The following UGT1A6 variants were observed in gnomAD, a reference collection of about 807,000 sequenced individuals.
The protein encoded by UGT1A6 is UDP-glucuronosyltransferase 1A6.
UGT1A6 carries 32 observed loss-of-function variants against 44.4 expected under a neutral mutation model. The ratio of observed to expected loss-of-function variants is 0.72; its 90% CI spans 0.54 to 0.97. The LOEUF (loss-of-function observed/expected upper bound fraction) is 0.97. UGT1A6 is among the 50% of genes least tolerant of loss of function. UGT1A6 has a pLI of 0.00. For missense variants in UGT1A6, 685 were observed against 661.9 expected (o/e 1.03, Z -0.38); for synonymous variants, 238 against 248.5 (o/e 0.96, Z 0.40).
At chr2:233,756,500 A>G (rs976556517) in intron 1 of UGT1A6, 2 of 152,096 alleles carry the variant, frequency 1.3e-5, no homozygotes, top group East Asian at 1.9e-4. Context: ...GCCCAAGTAT[A>G]TGGAGGGTCA....
chr2:233,695,457 T>C (rs1007830412), intron 1 of UGT1A6, among the ~76,000 whole-genome samples: 32 of 151,984 alleles, frequency 2.1e-4, no homozygotes, highest in Middle Eastern at 3.4e-3. Flanking sequence ...ATCAACGTGC[T>C]TTATTGGCCC....
chr2:233,763,859 A>G (rs1418944768), intron 1 of UGT1A6, among the ~76,000 whole-genome samples: 1 of 152,176 alleles, frequency 6.6e-6, no homozygotes, highest in Non-Finnish European at 1.5e-5. Context: ...GTTCACAGAC[A>G]ATCGCAATGC....
chr2:233,755,496 C>G (rs1460614171), intron 1 of UGT1A6: 1 of 187,824 alleles, frequency 5.3e-6, no homozygotes, highest in African/African-American at 2.4e-5. Context: ...TGTGATGCTC[C>G]AAGACCAGGC....
At chr2:233,712,014 A>G (rs1483051058) in intron 1 of UGT1A6, among the ~76,000 whole-genome samples, 1 of 152,208 alleles carries the variant, frequency 6.6e-6, no homozygotes. Context: ...AACCATTCTT[A>G]TCAGAACTTG....
chr2:233,705,136 G>GA (rs11336071), intron 1 of UGT1A6, among the ~76,000 whole-genome samples: 93 of 142,638 alleles, frequency 6.5e-4, no homozygotes, highest in East Asian at 1.9e-3. Context: ...GACTTCGTCT[G>GA]AAAAAAAAAA....
At chr2:233,707,391 T>C (rs1441137641) in intron 1 of UGT1A6, among the ~76,000 whole-genome samples, 1 of 152,078 alleles carries the variant, frequency 6.6e-6, no homozygotes, top group African/African-American at 2.4e-5. Flanking sequence ...CATGAGCTAT[T>C]CTTTTTGATG....
intron 1 of UGT1A6, among the ~76,000 whole-genome samples, chr2:233,738,370 A>G (rs1385050475): frequency 1.3e-5 from 2 of 152,228 alleles, no homozygotes; most frequent in African/African-American, 4.8e-5. Flanking sequence ...CTGCTATAAA[A>G]CTACTTGAAA....
rs1005644336 is a variant in UGT1A6 at position 233,772,950 on chromosome 2, A to G, written c.*391A>G. On this transcript the variant is annotated 3_prime_UTR_variant, in exon 5 of 5. Coordinates refer to ENST00000305139, the MANE Select transcript of UGT1A6 (RefSeq NM_001072.4). Reference sequence around the variant, plus strand: ...TAATCTTATCTTTTGGCTTCTGCAGATGGTTGCAATTGATCCTTAACCAAT... The same window carrying G: ...TAATCTTATCTTTTGGCTTCTGCAGGTGGTTGCAATTGATCCTTAACCAAT... The G allele has an allele frequency of 1.5e-5, 5 of 323,142 alleles. No individual in the cohort carries two copies. Among genetic ancestry groups the G allele is most frequent in the Non-Finnish European group, 2.9e-5 (5 of 171,790 alleles). 20.0% of individuals were successfully genotyped at this position (323,142 alleles called of 1,614,324 possible). A position where few individuals can be genotyped will look rare whatever the true frequency, so the allele number is the denominator to read the frequency against.
Position 233,719,463 on chromosome 2 carries a change from C to G in UGT1A6, c.861+25598C>G, listed in dbSNP as rs778257140. On this transcript the variant is annotated intron_variant, in intron 1 of 4. Transcript: ENST00000305139. ...ATTCCTGCAAAGGGTCAAGAACATG[C>G]TCTACCCTCTGGCCCTGTCCTACAT... 3 of 1,613,862 alleles carry G rather than the reference C, an allele frequency of 1.9e-6. No homozygotes were observed. The South Asian group carries it at 3.3e-5, about 18-fold the overall frequency.
chr2:233,747,235 C>T, intron 1 of UGT1A6: 2 of 1,604,608 alleles, frequency 1.2e-6, no homozygotes, highest in Non-Finnish European at 1.7e-6. Flanking sequence ...ACCCCAGGTT[C>T]CCCTGCTGTG....
Position 233,760,935 on chromosome 2 carries a change from C to CT in UGT1A6, c.862-6095dup. On this transcript the variant is annotated intron_variant, in intron 1 of 4. Coordinates refer to ENST00000305139, the MANE Select transcript of UGT1A6 (RefSeq NM_001072.4). ...AGCGGGTGAAGAACATGCTCATTGCCTTTTCACAGAACTTTCTGTGCGACG... is the reference window on the plus strand; with the variant it reads ...AGCGGGTGAAGAACATGCTCATTGCCTTTTTCACAGAACTTTCTGTGCGACG... 6.2e-7 allele frequency: 1 copy of CT among 1,614,200 alleles called. No individual in the cohort carries two copies. Among genetic ancestry groups the CT allele is most frequent in the Non-Finnish European group, 8.5e-7 (1 of 1,180,050 alleles).
At chr2:233,753,846 T>C (rs540552189) in intron 1 of UGT1A6, among the ~76,000 whole-genome samples, 6 of 152,330 alleles carry the variant, frequency 3.9e-5, no homozygotes, top group Non-Finnish European at 5.9e-5. Context: ...TAGTATATCA[T>C]TGACCAACCA....
intron 1 of UGT1A6, among the ~76,000 whole-genome samples, chr2:233,702,065 TG>T (rs1411404242): frequency 6.6e-6 from 1 of 152,236 alleles, no homozygotes; most frequent in Non-Finnish European, 1.5e-5. Context: ...CTAATTTTAA[TG>T]GTTTTTGGTA....
intron 1 of UGT1A6, among the ~76,000 whole-genome samples, chr2:233,739,658 C>G (rs1397600161): frequency 6.6e-6 from 1 of 152,228 alleles, no homozygotes; most frequent in Non-Finnish European, 1.5e-5. Context: ...TCTGTACCCC[C>G]ATTGTGTCTT....
Position 233,754,896 on chromosome 2 carries a change from C to T in UGT1A6, c.862-12138C>T, listed in dbSNP as rs755836502. 29 of 1,350,518 alleles carry T rather than the reference C, an allele frequency of 2.1e-5. No homozygotes were observed. The African/African-American group carries it at 3.1e-4, about 15-fold the overall frequency. The allele number at this position is 1,350,518 out of a possible 1,614,324, so 83.7% of individuals were successfully genotyped here. A position where few individuals can be genotyped will look rare whatever the true frequency, so the allele number is the denominator to read the frequency against. On this transcript the variant is annotated intron_variant, in intron 1 of 4. Transcript: ENST00000305139. ...TCTGCTTCCCAGGGAGTTCCTCTGA[C>T]CCCCCAAAATATTCTCCAGCGGGTT...
In UGT1A6 at chr2:233,769,480, C is replaced by T. The variant is rs1027796566; in HGVS notation, c.1301+1041C>T. 1.4e-5 allele frequency: 23 copies of T among 1,596,558 alleles called. No homozygotes were observed. Among genetic ancestry groups the T allele is most frequent in the African/African-American group, 1.3e-4 (10 of 74,384 alleles). ...ATTCATATGCGTGTGTGTGTGTGTGCGTGTGTTTATGAGAGTGTCCATTGC... is the reference window on the plus strand; with the variant it reads ...ATTCATATGCGTGTGTGTGTGTGTGTGTGTGTTTATGAGAGTGTCCATTGC... On this transcript the variant is annotated intron_variant, in intron 4 of 4. Coordinates refer to ENST00000305139, the MANE Select transcript of UGT1A6 (RefSeq NM_001072.4). The surrounding 1 kb of genome is among the most constrained non-coding windows in gnomAD (Gnocchi z 4.4).
In UGT1A6 at chr2:233,706,530, AAC is replaced by A. The variant is rs1236374777; in HGVS notation, c.861+12669_861+12670del. Among the ~76,000 whole-genome samples, 8 of 152,328 alleles carry A rather than the reference AAC, an allele frequency of 5.3e-5. No homozygotes were observed. The East Asian group carries it at 1.3e-3, about 26-fold the overall frequency. ...GCTGAGGATTTTACAGCGGCTTAGA[AAC>A]ACAGCTTTTTTTCTAGGTGTTTCTC... On this transcript the variant is annotated intron_variant, in intron 1 of 4. Transcript: ENST00000305139.
chr2:233,701,794 A>G (rs2075651976), intron 1 of UGT1A6, among the ~76,000 whole-genome samples: 1 of 152,218 alleles, frequency 6.6e-6, no homozygotes, highest in South Asian at 2.1e-4. Context: ...CTTTGAAATC[A>G]ACGAGAACAA....
In UGT1A6 at chr2:233,744,339, T is replaced by C. The variant is rs368123082; in HGVS notation, c.862-22695T>C. Among the ~76,000 whole-genome samples, 73 of 151,998 alleles carry C rather than the reference T, an allele frequency of 4.8e-4. No individual in the cohort carries two copies. The East Asian group carries it at 9.6e-3, about 20-fold the overall frequency. ...GTGGTGGGAGTGAGTTTAGTCTGAC[T>C]GGGGCTGAAGACATCCTGTTGTTTA... On this transcript the variant is annotated intron_variant, in intron 1 of 4. Coordinates refer to ENST00000305139, the MANE Select transcript of UGT1A6 (RefSeq NM_001072.4).
Sources: allele counts gnomAD v4.1 joint callset (sites outside exome capture counted in the v4.1 genomes callset), GRCh38; gene constraint gnomAD v4.1.1; non-coding constraint Gnocchi (gnomAD v3.1); transcripts MANE v1.5; gene names NCBI Gene and HGNC (gene_info 2026-07-23, HGNC 2026-07-21).